Variants in LINGO2 observed in about 807,000 individuals in gnomAD.
The protein encoded by LINGO2 is leucine rich repeat and Ig domain containing 2.
A neutral mutation model predicts 30.6 loss-of-function variants in LINGO2; 14 were observed. The observed-to-expected ratio is 0.46, with a 90% confidence interval of 0.30 to 0.72. The LOEUF (loss-of-function observed/expected upper bound fraction) is 0.72, where lower values mean the gene tolerates loss of function less well. LINGO2 is among the 30% of genes least tolerant of loss of function. LINGO2 has a pLI of 0.07. For missense variants in LINGO2, 729 were observed against 751.7 expected, an observed-to-expected ratio of 0.97 and a Z score of 0.35; for synonymous variants, 317 against 288.5, an observed-to-expected ratio of 1.10 and a Z score of -1.00.
the LINGO2 span, among the ~76,000 whole-genome samples, chr9:29,029,863 G>GGTT: frequency 0.022 from 3,267 of 148,550 alleles, 116 homozygotes; most frequent in African/African-American, 0.075. Flanking sequence ...GAAGCTTTCA[G>GGTT]TTTTTTTTTT....
chr9:28,399,876 C>T (rs1002951464), intron 2 of LINGO2, among the ~76,000 whole-genome samples: 2 of 152,072 alleles, frequency 1.3e-5, no homozygotes, highest in Non-Finnish European at 2.9e-5. Context: ...AAAAGTAATA[C>T]CTATTTTGAA....
chr9:28,101,388 A>T (rs1413421169), intron 4 of LINGO2, among the ~76,000 whole-genome samples: 1 of 152,190 alleles, frequency 6.6e-6, no homozygotes, highest in African/African-American at 2.4e-5. Flanking sequence ...AAAGTAAGAC[A>T]GCACTTCAAA....
At chr9:29,014,761 T>C in the LINGO2 span, among the ~76,000 whole-genome samples, 28 of 152,056 alleles carry the variant, frequency 1.8e-4, no homozygotes, top group Non-Finnish European at 2.9e-5. Flanking sequence ...GGTACTGCGG[T>C]GGAACTTCTC....
intron 1 of LINGO2, among the ~76,000 whole-genome samples, chr9:28,588,289 A>G (rs1166850992): frequency 3.3e-5 from 5 of 151,784 alleles, no homozygotes; most frequent in African/African-American, 9.7e-5. Flanking sequence ...TGATTGGAGA[A>G]TGAAGTAATA....
intron 4 of LINGO2, among the ~76,000 whole-genome samples, chr9:28,017,422 C>T (rs1472865982): frequency 6.6e-6 from 1 of 152,118 alleles, no homozygotes; most frequent in African/African-American, 2.4e-5. Flanking sequence ...GACATTATGA[C>T]CGTATTCCTA....
the LINGO2 span, among the ~76,000 whole-genome samples, chr9:28,973,070 T>G: frequency 1.3e-5 from 2 of 152,084 alleles, no homozygotes; most frequent in Non-Finnish European, 2.9e-5. Context: ...AAATCTGAGT[T>G]TTCAGCCTAA....
At chr9:28,884,901 T>C in the LINGO2 span, among the ~76,000 whole-genome samples, 1 of 129,074 alleles carries the variant, frequency 7.7e-6, no homozygotes, top group African/African-American at 3.0e-5. Flanking sequence ...ATAGATACTA[T>C]ATATATGTAT....
the LINGO2 span, among the ~76,000 whole-genome samples, chr9:28,963,218 T>TTC: frequency 6.6e-6 from 1 of 151,992 alleles, no homozygotes; most frequent in Non-Finnish European, 1.5e-5. Context: ...TTCTGCAGTG[T>TTC]TGGTACTATT....
the LINGO2 span, among the ~76,000 whole-genome samples, chr9:28,906,760 A>C: frequency 2.0e-5 from 3 of 151,980 alleles, no homozygotes; most frequent in African/African-American, 7.2e-5. Flanking sequence ...AAGGGATGCA[A>C]AAGATGTATA....
the LINGO2 span, among the ~76,000 whole-genome samples, chr9:28,906,146 C>A: frequency 6.6e-6 from 1 of 151,736 alleles, no homozygotes; most frequent in Non-Finnish European, 1.5e-5. Flanking sequence ...GGCCAAGGGG[C>A]TCTAGGTGGC....
chr9:28,515,019 C>T (rs991487174), intron 1 of LINGO2, among the ~76,000 whole-genome samples: 1 of 151,844 alleles, frequency 6.6e-6, no homozygotes, highest in African/African-American at 2.4e-5. Flanking sequence ...TAAGACCTAC[C>T]ACTCAGAATA....
At chr9:29,025,545 T>G in the LINGO2 span, among the ~76,000 whole-genome samples, 1 of 152,298 alleles carries the variant, frequency 6.6e-6, no homozygotes, top group Admixed American at 6.5e-5. Flanking sequence ...AGATTCATTT[T>G]TTTTCATTTA....
the LINGO2 span, among the ~76,000 whole-genome samples, chr9:28,944,433 C>G: frequency 6.6e-6 from 1 of 151,900 alleles, no homozygotes; most frequent in East Asian, 1.9e-4. Context: ...GAGATGAACT[C>G]TCACTCTTGT....
At chr9:29,070,976 T>C in the LINGO2 span, among the ~76,000 whole-genome samples, 5 of 151,088 alleles carry the variant, frequency 3.3e-5, no homozygotes, top group Non-Finnish European at 7.4e-5. Context: ...TCTTGTATTT[T>C]AAACTTTTGT....
At chr9:28,673,001 A>G (rs1306640056), upstream of LINGO2, among the ~76,000 whole-genome samples, 1 of 152,156 alleles carries the variant, frequency 6.6e-6, no homozygotes, top group Non-Finnish European at 1.5e-5. Flanking sequence ...AAAGGAGACT[A>G]TTTTTCTAAT....
chr9:28,793,841 T>G, the LINGO2 span, among the ~76,000 whole-genome samples: 1 of 152,210 alleles, frequency 6.6e-6, no homozygotes, highest in East Asian at 1.9e-4. Context: ...CATCTCAATA[T>G]GATCTCCAGG....
rs58240319 is a variant in LINGO2, at chr9:28,628,902, C to T, written c.-365+41298G>A. On this transcript the variant is annotated intron_variant, in intron 1 of 5. Coordinates refer to ENST00000379992, the Ensembl canonical transcript of LINGO2. ...GCTAGTGTGTAATACTTAACCAGCT[C>T]CTAAGATTAGTGGATGAATCTCTGG... Among the ~76,000 whole-genome samples, 257 of 152,166 alleles carry T rather than the reference C, an allele frequency of 1.7e-3. 1 individual carries two copies. Among genetic ancestry groups the T allele is most frequent in the African/African-American group, 5.8e-3 (239 of 41,518 alleles).
chr9:28,651,645 T>C (rs1828106928), intron 1 of LINGO2, among the ~76,000 whole-genome samples: 1 of 152,000 alleles, frequency 6.6e-6, no homozygotes, highest in Non-Finnish European at 1.5e-5. Context: ...ATCGTATTAA[T>C]GTACTATGTT....
At chr9:28,398,747 T>C (rs756279660) in intron 2 of LINGO2, among the ~76,000 whole-genome samples, 1 of 152,138 alleles carries the variant, frequency 6.6e-6, no homozygotes, top group Non-Finnish European at 1.5e-5. Flanking sequence ...ATAACTTATA[T>C]AATTTTTTGC....
Sources: gnomAD v4.1 joint callset for allele counts (sites outside exome capture counted in the v4.1 genomes callset) on GRCh38, gnomAD v4.1.1 for gene constraint, MANE v1.5 for transcripts, NCBI Gene and HGNC (gene_info 2026-07-23, HGNC 2026-07-21) for gene names.